EMCN: variants seen among roughly 807,000 people sequenced by gnomAD.
The protein encoded by EMCN is MUC-14.
A neutral mutation model predicts 38.4 loss-of-function variants in EMCN; 37 were observed. The ratio of observed to expected loss-of-function variants is 0.96; its 90% CI spans 0.74 to 1.27. EMCN has a LOEUF of 1.27. Among genes scored for constraint, EMCN ranks in the 50% most tolerant of loss-of-function variants. EMCN has a pLI of 0.00. For synonymous variants in EMCN, 95 were observed against 100.8 expected (o/e 0.94, Z 0.35); for missense variants, 318 against 302.8 (o/e 1.05, Z -0.37).
At chr4:100,490,669 T>C (rs1185567798) in intron 1 of EMCN, among the ~76,000 whole-genome samples, 1 of 152,146 alleles carries the variant, frequency 6.6e-6, no homozygotes, top group Admixed American at 6.5e-5. Context: ...GAGCAAGAGG[T>C]TATACCATAA....
chr4:100,447,010 T>C (rs1026503375), intron 5 of EMCN, among the ~76,000 whole-genome samples: 1 of 152,166 alleles, frequency 6.6e-6, no homozygotes, highest in Non-Finnish European at 1.5e-5. Flanking sequence ...GACTCAACAT[T>C]GCCATCTTCC....
rs112673812 is a variant in EMCN at position 100,486,303 on chromosome 4, C to T, written c.65-6264G>A. ...TTTATATTCAAATAGAAGAGGAAAA[C>T]CAATAGTGCCAATAATAGGAGGTCC... is the stretch of plus-strand genomic sequence containing the variant. On this transcript the variant is annotated intron_variant, in intron 1 of 11. Coordinates refer to ENST00000296420, the MANE Select transcript of EMCN (RefSeq NM_016242.4). 3.4e-3 allele frequency among the ~76,000 whole-genome samples: 514 copies of T among 151,920 alleles called. 4 individuals are homozygous for T. The highest frequency in any genetic ancestry group is 0.012 in the African/African-American group (487 of 41,482).
At chr4:100,501,514 C>G (rs548942732) in intron 1 of EMCN, among the ~76,000 whole-genome samples, 1 of 152,038 alleles carries the variant, frequency 6.6e-6, no homozygotes, top group Non-Finnish European at 1.5e-5. Flanking sequence ...TTATGTTATC[C>G]TTTCCTGTTT....
chr4:100,400,461 A>G (rs558008861), intron 11 of EMCN, among the ~76,000 whole-genome samples: 5 of 151,968 alleles, frequency 3.3e-5, no homozygotes, highest in African/African-American at 1.2e-4. Flanking sequence ...CTGTCTTTAC[A>G]TAACACTATG....
At chr4:100,410,016 A>C (rs571872244) in intron 11 of EMCN, among the ~76,000 whole-genome samples, 32 of 152,232 alleles carry the variant, frequency 2.1e-4, no homozygotes, top group Non-Finnish European at 4.0e-4. Flanking sequence ...ATTTACAAGG[A>C]AACATTAACA....
Position 100,410,355 on chromosome 4 carries a change from C to G in EMCN, c.752G>C (p.Gly251Ala), listed in dbSNP as rs1726517857. ...LTVKTISHES[G>A]EHSAQGKTKN ...GGTTTTTCCTTGTGCAGAGTGCTCA[C>G]CTGAGAACAGAAGATATGTTTTGAT... The change falls in exon 11 of 12, where the codon GGT (glycine) becomes GCT (alanine). Residue 251 changes from glycine (G) to alanine (A), a missense_variant and splice_region_variant. Physicochemically the swap from Gly to Ala is moderately conservative, Grantham distance 60. Transcript: ENST00000296420. 6.2e-7 allele frequency: 1 copy of G among 1,613,628 alleles called. No homozygotes were observed. Among genetic ancestry groups the G allele is most frequent in the Non-Finnish European group, 8.5e-7 (1 of 1,179,652 alleles).
intron 4 of EMCN, among the ~76,000 whole-genome samples, chr4:100,460,103 T>C (rs1177362038): frequency 6.6e-6 from 1 of 152,216 alleles, no homozygotes; most frequent in African/African-American, 2.4e-5. Flanking sequence ...TCTCATCTTT[T>C]TGATAATGGC....
chr4:100,431,941 C>A (rs1727215905), intron 5 of EMCN, among the ~76,000 whole-genome samples: 1 of 152,032 alleles, frequency 6.6e-6, no homozygotes. Flanking sequence ...CGGTAAGGCA[C>A]AATGGTCCAT....
intron 10 of EMCN, among the ~76,000 whole-genome samples, chr4:100,412,140 C>T (rs774743998): frequency 3.9e-5 from 6 of 152,034 alleles, no homozygotes; most frequent in Non-Finnish European, 8.8e-5. Flanking sequence ...TCTCTTCCTT[C>T]TAGAAAGCTG....
In EMCN at chr4:100,473,904, G is replaced by C. The variant is rs1233728748; in HGVS notation, c.259+1134C>G. On this transcript the variant is annotated intron_variant, in intron 3 of 11. Transcript: ENST00000296420. ...ATCTGATTGTGATGTGCGACAAAAAGTGACAACTGGCAACAACTAGCTCAG... is the reference window on the plus strand; with the variant it reads ...ATCTGATTGTGATGTGCGACAAAAACTGACAACTGGCAACAACTAGCTCAG... The C allele has an allele frequency of 9.8e-5, 15 of 153,046 alleles. No individual in the cohort carries two copies. The Admixed American group carries it at 9.8e-4, about 10-fold the overall frequency. The allele number at this position is 153,046 out of a possible 1,614,324, so 9.5% of individuals were successfully genotyped here. A position where few individuals can be genotyped will look rare whatever the true frequency, so the allele number is the denominator to read the frequency against.
At chr4:100,413,704 A>G (rs17553173) in intron 10 of EMCN, among the ~76,000 whole-genome samples, 3,911 of 152,322 alleles carry the variant, frequency 0.026, 69 homozygotes, top group Non-Finnish European at 0.041. Flanking sequence ...AATATTTTCC[A>G]TGGTAATCAT....
chr4:100,477,982 TGC>T (rs1181389357), intron 2 of EMCN, among the ~76,000 whole-genome samples: 1 of 152,184 alleles, frequency 6.6e-6, no homozygotes, highest in Non-Finnish European at 1.5e-5. Context: ...GTATACTAAT[TGC>T]GTTGCTCTTT....
rs1475670504 is a variant in EMCN at position 100,474,971 on chromosome 4, A to C, written c.259+67T>G. ...AAACTTCTGAATTGTACACTTTAAA[A>C]GGGTGACTATTATGTTATGTGAATT... is the stretch of plus-strand genomic sequence containing the variant. On this transcript the variant is annotated intron_variant, in intron 3 of 11. Coordinates refer to ENST00000296420, the MANE Select transcript of EMCN (RefSeq NM_016242.4). 9.0e-6 allele frequency: 7 copies of C among 779,360 alleles called. No individual in the cohort carries two copies. The Admixed American group carries it at 1.9e-4, about 21-fold the overall frequency. The allele number at this position is 779,360 out of a possible 1,614,324, so 48.3% of individuals were successfully genotyped here.
chr4:100,403,206 G>GTAT (rs1489341570), intron 11 of EMCN, among the ~76,000 whole-genome samples: 5 of 152,094 alleles, frequency 3.3e-5, no homozygotes, highest in African/African-American at 4.8e-5. Flanking sequence ...CAAATAGGTA[G>GTAT]TGTCTCAATA....
chr4:100,455,526 T>C (rs1175595360), intron 4 of EMCN, among the ~76,000 whole-genome samples: 1 of 36,188 alleles, frequency 2.8e-5, no homozygotes, highest in African/African-American at 1.3e-4. Context: ...TTTTTTTTTC[T>C]TCCAGTACTA....
chr4:100,416,983 C>G (rs1726754022), intron 9 of EMCN, 134 bp downstream of exon 9: 2 of 831,340 alleles, frequency 2.4e-6, no homozygotes, highest in Non-Finnish European at 3.9e-6. Flanking sequence ...GGAGAGAGCT[C>G]TGACAAACAG....
At chr4:100,437,048 A>T (rs1319660480) in intron 5 of EMCN, among the ~76,000 whole-genome samples, 1 of 152,070 alleles carries the variant, frequency 6.6e-6, no homozygotes. Flanking sequence ...AAGTTGGGGG[A>T]AAAAAAGAAT....
At chr4:100,417,288 T>C in intron 8 of EMCN, 147 bp from the exon 9 acceptor site, 1 of 762,732 alleles carries the variant, frequency 1.3e-6, no homozygotes, top group Non-Finnish European at 2.2e-6. Context: ...AATTTTCCCC[T>C]TGCCAAGCCA....
intron 1 of EMCN, among the ~76,000 whole-genome samples, chr4:100,489,030 A>G (rs538168668): frequency 1.3e-5 from 2 of 152,316 alleles, no homozygotes; most frequent in African/African-American, 2.4e-5. Flanking sequence ...CAATTTTGTG[A>G]AACAGTTGAA....
Sources: allele counts gnomAD v4.1 joint callset (sites outside exome capture counted in the v4.1 genomes callset), GRCh38; gene constraint gnomAD v4.1.1; transcripts MANE v1.5; gene names NCBI Gene and HGNC (gene_info 2026-07-23, HGNC 2026-07-21).